Variants in ERBB4 observed in about 807,000 individuals in gnomAD.
ERBB4 encodes the protein erb-b2 receptor tyrosine kinase 4.
In ERBB4, 42 loss-of-function variants were observed where a neutral mutation model predicts 158.0. That is an observed-to-expected ratio of 0.27 (90% CI 0.21 to 0.34). ERBB4 has a LOEUF of 0.34. Ranked by LOEUF, ERBB4 falls within the 10% of genes least tolerant of loss-of-function variation. The pLI is 1.00. For missense variants in ERBB4, 1,333 were observed against 1,624.1 expected, an observed-to-expected ratio of 0.82 and a Z score of 3.08; for synonymous variants, 583 against 558.7, an observed-to-expected ratio of 1.04 and a Z score of -0.61.
At chr2:211,675,794 A>T (rs995175812) in intron 13 of ERBB4, among the ~76,000 whole-genome samples, 43 of 92,890 alleles carry the variant, frequency 4.6e-4, no homozygotes, top group Non-Finnish European at 9.0e-4. Context: ...ATATAATATT[A>T]TATATATATA....
At chr2:212,511,633 C>T (rs977332366) in intron 1 of ERBB4, among the ~76,000 whole-genome samples, 2 of 151,660 alleles carry the variant, frequency 1.3e-5, no homozygotes, top group Non-Finnish European at 2.9e-5. Flanking sequence ...GTATTTATTT[C>T]TTTCTAATGA....
chr2:211,558,572 A>G (rs1190393129), intron 20 of ERBB4, among the ~76,000 whole-genome samples: 1 of 152,208 alleles, frequency 6.6e-6, no homozygotes, highest in African/African-American at 2.4e-5. Flanking sequence ...CCACAGGTAG[A>G]TACCATTTAT....
At chr2:212,399,582 ATATT>A (rs1329507665) in intron 1 of ERBB4, among the ~76,000 whole-genome samples, 4 of 135,036 alleles carry the variant, frequency 3.0e-5, no homozygotes, top group Admixed American at 2.3e-4. Flanking sequence ...ATATATATAT[ATATT>A]GGGCGTGGTG....
chr2:211,419,463 C>A (rs371073411), intron 25 of ERBB4, among the ~76,000 whole-genome samples: 39 of 152,118 alleles, frequency 2.6e-4, no homozygotes, highest in African/African-American at 8.7e-4. Context: ...GCTGTCGGTT[C>A]TACTAGCTAT....
At chr2:211,935,563 G>T (rs1323945504) in intron 3 of ERBB4, among the ~76,000 whole-genome samples, 1 of 152,090 alleles carries the variant, frequency 6.6e-6, no homozygotes, top group African/African-American at 2.4e-5. Context: ...CAGACTGAGA[G>T]GTACACCATT....
At chr2:211,471,793 AAAT>A (rs745454727) in intron 20 of ERBB4, among the ~76,000 whole-genome samples, 2 of 152,158 alleles carry the variant, frequency 1.3e-5, no homozygotes, top group Non-Finnish European at 2.9e-5. Context: ...CAGCAGATAA[AAAT>A]AATGAGCAGT....
At chr2:212,406,698 CT>C (rs2091354643) in intron 1 of ERBB4, among the ~76,000 whole-genome samples, 1 of 152,126 alleles carries the variant, frequency 6.6e-6, no homozygotes, top group Non-Finnish European at 1.5e-5. Context: ...GGAACTGACT[CT>C]GGTTGTCATT....
intron 1 of ERBB4, among the ~76,000 whole-genome samples, chr2:212,185,043 C>G (rs1462641891): frequency 5.4e-5 from 5 of 93,078 alleles, no homozygotes; most frequent in Non-Finnish European, 1.2e-4. Context: ...TCTTTTGAGA[C>G]AGAGTCTCAC....
At chr2:211,597,607 A>C (rs547416555) in intron 19 of ERBB4, among the ~76,000 whole-genome samples, 1 of 152,276 alleles carries the variant, frequency 6.6e-6, no homozygotes, top group South Asian at 2.1e-4. Flanking sequence ...AATTCTCATT[A>C]TCAAGGTAAA....
intron 3 of ERBB4, among the ~76,000 whole-genome samples, chr2:211,863,453 CT>C (rs2078121760): frequency 6.6e-6 from 1 of 152,206 alleles, no homozygotes; most frequent in Non-Finnish European, 1.5e-5. Context: ...CTATTGCTCA[CT>C]TTTTGTGTCC....
intron 1 of ERBB4, among the ~76,000 whole-genome samples, chr2:212,234,828 G>T (rs531816886): frequency 2.0e-4 from 31 of 152,106 alleles, no homozygotes; most frequent in Admixed American, 5.9e-4. Flanking sequence ...TGATGGGTTT[G>T]TTTTTTTCCT....
intron 22 of ERBB4, among the ~76,000 whole-genome samples, chr2:211,426,290 C>T (rs2063625874): frequency 1.3e-5 from 2 of 152,114 alleles, no homozygotes; most frequent in South Asian, 4.1e-4. Context: ...ATTTTACTTG[C>T]AATTCCTTTA....
At chr2:212,455,598 G>A (rs1257225264) in intron 1 of ERBB4, among the ~76,000 whole-genome samples, 3 of 152,038 alleles carry the variant, frequency 2.0e-5, no homozygotes, top group Non-Finnish European at 4.4e-5. Context: ...AGCTCCTGCT[G>A]CTTTCCATCA....
intron 1 of ERBB4, among the ~76,000 whole-genome samples, chr2:212,440,665 G>T (rs1275561436): frequency 1.3e-5 from 2 of 152,096 alleles, no homozygotes; most frequent in Admixed American, 6.5e-5. Context: ...AAATGCTATG[G>T]AATCTCCTTC....
intron 1 of ERBB4, among the ~76,000 whole-genome samples, chr2:212,222,011 C>T (rs777844682): frequency 1.3e-5 from 2 of 151,330 alleles, no homozygotes; most frequent in South Asian, 2.1e-4. Flanking sequence ...CATAGTATGT[C>T]CCTCATAAAT....
At chr2:211,757,591 C>T (rs549746213) in intron 4 of ERBB4, among the ~76,000 whole-genome samples, 61 of 152,266 alleles carry the variant, frequency 4.0e-4, no homozygotes, top group African/African-American at 1.4e-3. Context: ...GTAAAATGCA[C>T]AGAAGTGTCT....
intron 3 of ERBB4, among the ~76,000 whole-genome samples, chr2:211,805,793 A>C (rs1280837782): frequency 6.6e-6 from 1 of 152,124 alleles, no homozygotes; most frequent in Non-Finnish European, 1.5e-5. Flanking sequence ...AATTTGAGAA[A>C]AAAATACAAA....
At chr2:212,494,069 T>C (rs112467471) in intron 1 of ERBB4, among the ~76,000 whole-genome samples, 1 of 151,888 alleles carries the variant, frequency 6.6e-6, no homozygotes, top group Non-Finnish European at 1.5e-5. Flanking sequence ...AACTATTATA[T>C]GTATACTGGA....
intron 1 of ERBB4, among the ~76,000 whole-genome samples, chr2:212,335,700 T>G (rs1329315754): frequency 1.3e-5 from 2 of 152,042 alleles, no homozygotes; most frequent in Non-Finnish European, 2.9e-5. Flanking sequence ...GTCATGGCAC[T>G]GTGAGCCAAT....
Sources: gnomAD v4.1 joint callset for allele counts (sites outside exome capture counted in the v4.1 genomes callset) on GRCh38, gnomAD v4.1.1 for gene constraint, MANE v1.5 for transcripts, NCBI Gene and HGNC (gene_info 2026-07-23, HGNC 2026-07-21) for gene names.